Variants in PELI2 observed in about 807,000 individuals in gnomAD.
The protein encoded by PELI2 is pellino E3 ubiquitin protein ligase family member 2.
PELI2 carries 23 observed loss-of-function variants against 42.3 expected under a neutral mutation model. The ratio of observed to expected loss-of-function variants is 0.54; its 90% CI spans 0.39 to 0.77. The LOEUF is 0.77. Ranked by LOEUF, PELI2 falls within the 30% of genes least tolerant of loss-of-function variation. PELI2 has a pLI of 0.00. For synonymous variants in PELI2, 245 were observed against 212.2 expected (o/e 1.15, Z -1.34); for missense variants, 463 against 553.2 (o/e 0.84, Z 1.64).
At chr14:56,148,824 C>T (rs1444478805) in intron 1 of PELI2, among the ~76,000 whole-genome samples, 1 of 152,116 alleles carries the variant, frequency 6.6e-6, no homozygotes, top group Non-Finnish European at 1.5e-5. Context: ...GGTATCTAGT[C>T]CTGTGCTTGG....
intron 3 of PELI2, among the ~76,000 whole-genome samples, chr14:56,285,878 C>T (rs773275058): frequency 5.3e-5 from 8 of 152,088 alleles, no homozygotes; most frequent in South Asian, 2.1e-4. Flanking sequence ...TGGGAGACTA[C>T]GCCAGAGCAG....
chr14:56,272,485 G>A (rs1051039061), intron 2 of PELI2, among the ~76,000 whole-genome samples: 3 of 152,154 alleles, frequency 2.0e-5, no homozygotes, highest in Non-Finnish European at 2.9e-5. Flanking sequence ...CATGTAGTTT[G>A]CAAAGCAGCC....
chr14:56,126,227 C>T (rs1052960470), intron 1 of PELI2, among the ~76,000 whole-genome samples: 11 of 152,122 alleles, frequency 7.2e-5, no homozygotes, highest in East Asian at 1.9e-4. Flanking sequence ...GCCACAGTGG[C>T]GTTGAAAGGC....
chr14:56,196,751 T>C (rs1797515556), intron 2 of PELI2, among the ~76,000 whole-genome samples: 1 of 152,266 alleles, frequency 6.6e-6, no homozygotes, highest in Non-Finnish European at 1.5e-5. Flanking sequence ...AACTACGTGA[T>C]ATTTAAATTC....
At chr14:56,214,075 A>C (rs1211220585) in intron 2 of PELI2, among the ~76,000 whole-genome samples, 1 of 152,020 alleles carries the variant, frequency 6.6e-6, no homozygotes, top group Non-Finnish European at 1.5e-5. Context: ...ATGGTCTCGA[A>C]CTCCAGACCT....
chr14:56,237,489 T>C (rs1887839430), intron 2 of PELI2, among the ~76,000 whole-genome samples: 1 of 152,018 alleles, frequency 6.6e-6, no homozygotes, highest in African/African-American at 2.4e-5. Flanking sequence ...TTTCTCCCCA[T>C]TGTTTAATAT....
At chr14:56,146,871 C>A (rs1314109426) in intron 1 of PELI2, among the ~76,000 whole-genome samples, 1 of 151,728 alleles carries the variant, frequency 6.6e-6, no homozygotes, top group Non-Finnish European at 1.5e-5. Context: ...TAAATTGATA[C>A]ATTACTTTAT....
intron 2 of PELI2, among the ~76,000 whole-genome samples, chr14:56,190,855 A>C (rs1885928930): frequency 6.6e-6 from 1 of 152,232 alleles, no homozygotes; most frequent in Admixed American, 6.5e-5. Flanking sequence ...GAAGTCAATA[A>C]AAGCTACCAG....
In PELI2 at chr14:56,290,249, T is replaced by C. The variant is rs1341459322; in HGVS notation, c.508-19T>C. On this transcript the variant is annotated intron_variant, in intron 4 of 5. Transcript: ENST00000267460. ...CATCATCTTAACCTACTTTTTCTGT[T>C]CTGCTGTGTTCTCTCCAGGAAAAGG... is the stretch of plus-strand genomic sequence containing the variant. 1.3e-6 allele frequency: 2 copies of C among 1,507,940 alleles called. No individual in the cohort carries two copies. Among genetic ancestry groups the C allele is most frequent in the South Asian group, 2.7e-5 (2 of 74,616 alleles). 93.4% of individuals were successfully genotyped at this position (1,507,940 alleles called of 1,614,324 possible).
chr14:56,146,959 C>T (rs1361047142), intron 1 of PELI2, among the ~76,000 whole-genome samples: 2 of 152,116 alleles, frequency 1.3e-5, no homozygotes, highest in Non-Finnish European at 2.9e-5. Context: ...TGGTTAATTC[C>T]TGTGCCCGTC....
intron 2 of PELI2, among the ~76,000 whole-genome samples, chr14:56,204,046 A>G (rs550475560): frequency 6.6e-5 from 10 of 152,352 alleles, no homozygotes; most frequent in East Asian, 3.9e-4. Context: ...CTGAGCAGTA[A>G]GCAGGGCTGA....
chr14:56,178,665 T>G (rs139118820), intron 2 of PELI2, among the ~76,000 whole-genome samples: 1 of 152,206 alleles, frequency 6.6e-6, no homozygotes, highest in African/African-American at 2.4e-5. Context: ...ACCCGCTAAG[T>G]GCCAGTAGCA....
chr14:56,164,160 A>G (rs996357432), intron 1 of PELI2, among the ~76,000 whole-genome samples: 1 of 152,114 alleles, frequency 6.6e-6, no homozygotes, highest in Non-Finnish European at 1.5e-5. Context: ...CCCATTCCGT[A>G]TGATACTAGC....
At chr14:56,123,744 A>G (rs927316498) in intron 1 of PELI2, among the ~76,000 whole-genome samples, 1 of 152,232 alleles carries the variant, frequency 6.6e-6, no homozygotes, top group Non-Finnish European at 1.5e-5. Context: ...GGCTTGATTC[A>G]GGTTCAGTAA....
chr14:56,126,320 T>G lies in PELI2; in HGVS notation c.77+7583T>G, dbSNP rs556002244. On this transcript the variant is annotated intron_variant, in intron 1 of 5. Transcript: ENST00000267460. ...GGATGACAGACCTAATAAATATGCATCAGGGGGCATTTTCAGCAGCAGGTT... is the reference window on the plus strand; with the variant it reads ...GGATGACAGACCTAATAAATATGCAGCAGGGGGCATTTTCAGCAGCAGGTT... Among the ~76,000 whole-genome samples the G allele has an allele frequency of 2.0e-5, 3 of 152,320 alleles. No individual in the cohort carries two copies. The South Asian group carries it at 6.2e-4, about 32-fold the overall frequency.
intron 2 of PELI2, among the ~76,000 whole-genome samples, chr14:56,186,587 G>A (rs899752811): frequency 3.9e-5 from 6 of 152,120 alleles, no homozygotes; most frequent in Middle Eastern, 3.2e-3. Context: ...TCTTAATCTC[G>A]TGGTGGGGGA....
chr14:56,271,319 T>C (rs183136268), intron 2 of PELI2, among the ~76,000 whole-genome samples: 1 of 152,308 alleles, frequency 6.6e-6, no homozygotes, highest in East Asian at 1.9e-4. Flanking sequence ...GTTCAACTCA[T>C]TGGCCCCACT....
chr14:56,251,721 G>A (rs930646773), intron 2 of PELI2, among the ~76,000 whole-genome samples: 2 of 152,158 alleles, frequency 1.3e-5, no homozygotes, highest in Non-Finnish European at 2.9e-5. Context: ...AACTACTCTT[G>A]GAAAGAGGCT....
Position 56,125,719 on chromosome 14 carries a change from G to A in PELI2, c.77+6982G>A, listed in dbSNP as rs534408774. ...TAGTTAAGTATCCCTGGACAAAAACGTGGTTCTGCCCTCTGTGCTGCTTGC... is the reference window on the plus strand; with the variant it reads ...TAGTTAAGTATCCCTGGACAAAAACATGGTTCTGCCCTCTGTGCTGCTTGC... On this transcript the variant is annotated intron_variant, in intron 1 of 5. Coordinates refer to ENST00000267460, the MANE Select transcript of PELI2 (RefSeq NM_021255.3). 1.7e-4 allele frequency among the ~76,000 whole-genome samples: 26 copies of A among 152,250 alleles called. 1 individual carries two copies. In the South Asian group the frequency reaches 5.0e-3, roughly 29 times the overall value.
Sources: gnomAD v4.1 joint callset for allele counts (sites outside exome capture counted in the v4.1 genomes callset) on GRCh38, gnomAD v4.1.1 for gene constraint, MANE v1.5 for transcripts, NCBI Gene and HGNC (gene_info 2026-07-23, HGNC 2026-07-21) for gene names.